KIF20B: variants seen among roughly 807,000 people sequenced by gnomAD.
KIF20B encodes the protein kinesin family member 20B.
Under a neutral mutation model 232.5 loss-of-function variants are expected in KIF20B, and 188 were observed. The observed-to-expected ratio is 0.81, with a 90% CI of 0.72 to 0.91. The LOEUF is 0.91. Ranked by LOEUF, KIF20B falls within the 40% of genes least tolerant of loss-of-function variation. KIF20B has a pLI of 0.00. For missense variants in KIF20B, 2,154 were observed against 2,055.9 expected, an observed-to-expected ratio of 1.05 and a Z score of -0.92; for synonymous variants, 712 against 683.0, an observed-to-expected ratio of 1.04 and a Z score of -0.66.
At chr10:89,722,368 T>G (rs1287224342) in intron 13 of KIF20B, among the ~76,000 whole-genome samples, 5 of 152,190 alleles carry the variant, frequency 3.3e-5, no homozygotes, top group African/African-American at 1.2e-4. Flanking sequence ...AACCTAATTA[T>G]TGAAAACTAT....
At position 89,768,790 on chromosome 10, in the gene KIF20B, C is replaced by T; in HGVS notation, c.5144C>T (p.Ser1715Phe). The T allele has an allele frequency of 1.2e-6, 2 of 1,607,472 alleles. No homozygotes were observed. Among genetic ancestry groups the T allele is most frequent in the Non-Finnish European group, 1.7e-6 (2 of 1,177,514 alleles). ...KKTYSLRSQA[S>F]IIGVNLATKK... ...ACATATTCTTTACGGAGTCAGGCAT[C>T]CATAATTGGTGTAAACCTGGCCACT... Residue 1715 changes from serine (S) to phenylalanine (F), a missense_variant, in exon 31 of 33, where the codon TCC becomes TTC. Transcript: ENST00000371728.
chr10:89,720,647 TA>T (rs1171703217), intron 13 of KIF20B, among the ~76,000 whole-genome samples: 5 of 152,230 alleles, frequency 3.3e-5, no homozygotes, highest in Non-Finnish European at 5.9e-5. Flanking sequence ...GTTATTATGA[TA>T]AATAAATAAG....
chr10:89,762,287 C>A (rs1001731538), intron 28 of KIF20B, among the ~76,000 whole-genome samples: 1 of 152,230 alleles, frequency 6.6e-6, no homozygotes, highest in Non-Finnish European at 1.5e-5. Context: ...TTGCAGCCTA[C>A]TTCTTTAATA....
intron 8 of KIF20B, among the ~76,000 whole-genome samples, chr10:89,716,085 C>G (rs556083232): frequency 4.9e-4 from 75 of 152,194 alleles, no homozygotes; most frequent in African/African-American, 1.8e-3. Flanking sequence ...AAATTACAAT[C>G]TTCAGTGTTT....
chr10:89,703,351 C>T (rs559747151), intron 1 of KIF20B, among the ~76,000 whole-genome samples: 1 of 152,110 alleles, frequency 6.6e-6, no homozygotes, highest in Non-Finnish European at 1.5e-5. Flanking sequence ...AAAAGATTGA[C>T]AACAAGATGG....
intron 4 of KIF20B, 79 bp downstream of exon 4, chr10:89,709,540 T>G: frequency 1.1e-6 from 1 of 877,214 alleles, no homozygotes. Context: ...TAATTGTATA[T>G]AATGAACTAT....
At chr10:89,709,046 C>T (rs1025889526) in intron 2 of KIF20B, 121 bp from the exon 3 acceptor site, 43 of 701,480 alleles carry the variant, frequency 6.1e-5, no homozygotes, top group Non-Finnish European at 1.1e-4. Context: ...AGGATAGTGA[C>T]TGCTTAGAAA....
intron 17 of KIF20B, 77 bp from the exon 18 acceptor site, chr10:89,729,051 T>G (rs1049778156): frequency 2.3e-4 from 269 of 1,181,664 alleles, no homozygotes; most frequent in Non-Finnish European, 2.8e-4. Context: ...ATAAAACTGT[T>G]TGCATTATTA....
At chr10:89,704,626 G>T (rs576934316) in intron 1 of KIF20B, among the ~76,000 whole-genome samples, 45 of 151,912 alleles carry the variant, frequency 3.0e-4, no homozygotes, top group Non-Finnish European at 5.3e-4. Context: ...GCGCGATCGC[G>T]ATTCACTGCA....
chr10:89,763,007 C>T (rs965488840), intron 29 of KIF20B, among the ~76,000 whole-genome samples, 172 bp downstream of exon 29: 2 of 152,070 alleles, frequency 1.3e-5, no homozygotes, highest in Non-Finnish European at 2.9e-5. Flanking sequence ...GTGGGCCAGG[C>T]GTGGTGACTC....
chr10:89,743,226 T>C (rs1841844007), intron 21 of KIF20B, among the ~76,000 whole-genome samples: 1 of 152,168 alleles, frequency 6.6e-6, no homozygotes, highest in South Asian at 2.1e-4. Flanking sequence ...GTACCTATAT[T>C]AGCTTTTTTG....
chr10:89,756,657 C>T (rs914664642), intron 26 of KIF20B, among the ~76,000 whole-genome samples: 1 of 152,090 alleles, frequency 6.6e-6, no homozygotes, highest in Non-Finnish European at 1.5e-5. Context: ...GAACACTGTT[C>T]CACCCCAGAA....
In KIF20B at chr10:89,772,714, C is replaced by T. The variant is rs200220129; in HGVS notation, c.5268C>T (p.Ser1756=). Residue 1756 remains serine (S), a synonymous_variant, in exon 32 of 33, where the codon AGC becomes AGT. Transcript: ENST00000371728. ...CAAAGAAGATAATTGAAACAATGAG[C>T]TCTTCAAAGCTCTCAAATGTAGAAG... is the stretch of plus-strand genomic sequence containing the variant. The part of the protein sequence containing the change: ...SKAKKIIETM[S]SSKLSNVEAS... 48 of 1,581,246 alleles carry T rather than the reference C, an allele frequency of 3.0e-5. 1 individual carries two copies. The East Asian group carries it at 8.0e-4, about 26-fold the overall frequency.
intron 26 of KIF20B, among the ~76,000 whole-genome samples, chr10:89,757,373 G>A (rs140522517): frequency 4.6e-5 from 7 of 151,478 alleles, no homozygotes; most frequent in Non-Finnish European, 8.8e-5. Context: ...TATACTTTTC[G>A]GGATAGAAGC....
intron 26 of KIF20B, among the ~76,000 whole-genome samples, chr10:89,755,882 A>G (rs1842110025): frequency 6.6e-6 from 1 of 152,170 alleles, no homozygotes; most frequent in African/African-American, 2.4e-5. Context: ...GGTGTGAGCC[A>G]CTGTGCATTG....
At chr10:89,771,793 C>A (rs942810950) in intron 31 of KIF20B, among the ~76,000 whole-genome samples, 1 of 151,938 alleles carries the variant, frequency 6.6e-6, no homozygotes, top group Non-Finnish European at 1.5e-5. Context: ...GTAAAATGAC[C>A]ACCACTTCTA....
At chr10:89,726,194 A>T (rs2133109144) in intron 15 of KIF20B, 99 bp from the exon 16 acceptor site, 2 of 1,321,442 alleles carry the variant, frequency 1.5e-6, no homozygotes, top group Admixed American at 3.6e-5. Context: ...CAAGTGATGA[A>T]TTTTTTGCTT....
rs1337761967 is a variant in KIF20B at position 89,768,394 on chromosome 10, G to A, written c.5091+3G>A. ...CTTCTGTCAAAAAGGAACAAAAGGT[G>A]TGTCTTTTAATTTGTCCAAAATTGT... On this transcript the variant is annotated splice_donor_region_variant and intron_variant, in intron 30 of 32. Transcript: ENST00000371728. 3 of 1,518,858 alleles carry A rather than the reference G, an allele frequency of 2.0e-6. No individual in the cohort carries two copies. The highest frequency in any genetic ancestry group is 2.3e-5 in the East Asian group (1 of 43,924). 94.1% of individuals were successfully genotyped at this position (1,518,858 alleles called of 1,614,324 possible).
Position 89,709,191 on chromosome 10 carries a change from T to C in KIF20B, c.172T>C (p.Tyr58His), listed in dbSNP as rs367726513. ...GGCAAACAGTTTCGAATCTAAAGAT[T>C]ATCTCCAGGTTTGTCTTCGAATAAG... is the stretch of plus-strand genomic sequence containing the variant. ...TEANSFESKD[Y>H]LQVCLRIRPF... The change falls in exon 3 of 33, where the codon TAT (tyrosine) becomes CAT (histidine). Residue 58 changes from tyrosine to histidine, a missense_variant. Coordinates refer to ENST00000371728, the MANE Select transcript of KIF20B (RefSeq NM_001284259.2). 85 of 1,608,664 alleles carry C rather than the reference T, an allele frequency of 5.3e-5. No homozygotes were observed. The highest frequency in any genetic ancestry group is 6.4e-5 in the Non-Finnish European group (75 of 1,176,608).
Sources: gnomAD v4.1 joint callset for allele counts (sites outside exome capture counted in the v4.1 genomes callset) on GRCh38, gnomAD v4.1.1 for gene constraint, MANE v1.5 for transcripts, NCBI Gene and HGNC (gene_info 2026-07-23, HGNC 2026-07-21) for gene names.